CUX2: variants seen among roughly 807,000 people sequenced by gnomAD.
CUX2 encodes homeobox protein cut-like 2.
In CUX2, 40 loss-of-function variants were observed where a neutral mutation model predicts 144.8. The observed-to-expected ratio is 0.28, with a 90% CI of 0.21 to 0.36. The LOEUF is 0.36. CUX2 is among the 10% of genes least tolerant of loss of function. The pLI is 1.00. For synonymous variants in CUX2, 827 were observed against 875.6 expected, an observed-to-expected ratio of 0.94 and a Z score of 0.98; for missense variants, 1,615 against 1,994.0, an observed-to-expected ratio of 0.81 and a Z score of 3.62.
chr12:111,308,231 C>T (rs1886697196), intron 12 of CUX2, 54 bp from the exon 13 acceptor site: 1 of 1,607,154 alleles, frequency 6.2e-7, no homozygotes, highest in Non-Finnish European at 8.5e-7. Flanking sequence ...TGAAAGACCT[C>T]TCCTCCAGCC....
intron 1 of CUX2, among the ~76,000 whole-genome samples, chr12:111,106,953 G>A (rs181175556): frequency 6.6e-6 from 1 of 152,196 alleles, no homozygotes; most frequent in Admixed American, 6.5e-5. Flanking sequence ...AGTTGATAGG[G>A]TTGCTGGACA....
In CUX2 at chr12:111,296,468, C is replaced by T; in HGVS notation, c.638-5C>T. On this transcript the variant is annotated splice_region_variant and splice_polypyrimidine_tract_variant and intron_variant, in intron 7 of 21. Coordinates refer to ENST00000261726, the MANE Select transcript of CUX2 (RefSeq NM_015267.4). ...GGGCCTCACCCTGCCTCTGCTTTCTCCCAGCGCTAAAGGCTACGCAGGCAG... is the reference window on the plus strand; with the variant it reads ...GGGCCTCACCCTGCCTCTGCTTTCTTCCAGCGCTAAAGGCTACGCAGGCAG... 1 of 1,604,180 alleles carries T rather than the reference C, an allele frequency of 6.2e-7. No homozygotes were observed. The highest frequency in any genetic ancestry group is 8.5e-7 in the Non-Finnish European group (1 of 1,174,854).
At chr12:111,227,080 G>A (rs1169496568) in intron 3 of CUX2, among the ~76,000 whole-genome samples, 1 of 152,212 alleles carries the variant, frequency 6.6e-6, no homozygotes, top group Non-Finnish European at 1.5e-5. Flanking sequence ...CATAGGTCTT[G>A]TAGCCACTCT....
intron 3 of CUX2, among the ~76,000 whole-genome samples, chr12:111,234,668 C>T (rs1366980886): frequency 6.6e-6 from 1 of 151,402 alleles, no homozygotes; most frequent in African/African-American, 2.4e-5. Context: ...GGGTTCAAGA[C>T]CAGTTTGAAC....
At position 111,310,641 on chromosome 12, in the gene CUX2, A is replaced by G. The variant is rs1886850118; in HGVS notation, c.1859A>G (p.Gln620Arg). The change falls in exon 15 of 22, where the codon CAG becomes CGG. Residue 620 changes from glutamine to arginine, a missense_variant. Coordinates refer to ENST00000261726, the MANE Select transcript of CUX2 (RefSeq NM_015267.4). The surrounding 1 kb of genome is among the most constrained non-coding windows in gnomAD (Gnocchi z 7.9). The stretch of plus-strand genomic sequence containing the variant: ...ATGAAGCAGTTCCTGTCGGATGAGC[A>G]GAATGTACTGGCGCTCAGGACCATC... ...IKMKQFLSDEQNVLALRTIQV... is the reference protein window; with the variant it reads ...IKMKQFLSDERNVLALRTIQV... 6.2e-7 allele frequency: 1 copy of G among 1,607,214 alleles called. No homozygotes were observed. The highest frequency in any genetic ancestry group is 1.3e-5 in the African/African-American group (1 of 74,856).
intron 4 of CUX2, among the ~76,000 whole-genome samples, chr12:111,274,146 C>A (rs1338295930): frequency 6.6e-6 from 1 of 152,068 alleles, no homozygotes; most frequent in Admixed American, 6.6e-5. Flanking sequence ...GCCAGGCTGG[C>A]CTTGAACTGC....
chr12:111,131,993 T>C (rs1171513211), intron 1 of CUX2, among the ~76,000 whole-genome samples: 3 of 152,214 alleles, frequency 2.0e-5, no homozygotes, highest in Non-Finnish European at 4.4e-5. Context: ...AGGGACTCTG[T>C]TGGGGAGCTC....
rs560233282 is a variant in CUX2, at chr12:111,334,056, G to A, written c.2927-385G>A. On this transcript the variant is annotated intron_variant, in intron 18 of 21. Transcript: ENST00000261726. The stretch of plus-strand genomic sequence containing the variant: ...CAAAAAATTAGCAGGGCGTAGTGGC[G>A]CATGCCTGTAGTCCCAGCTACTTGG... Among the ~76,000 whole-genome samples, 3 of 149,724 alleles carry A rather than the reference G, an allele frequency of 2.0e-5. No individual in the cohort carries two copies. The East Asian group carries it at 6.1e-4, about 30-fold the overall frequency.
intron 1 of CUX2, among the ~76,000 whole-genome samples, chr12:111,121,562 A>G (rs972079010): frequency 2.0e-5 from 3 of 151,192 alleles, no homozygotes; most frequent in Non-Finnish European, 4.4e-5. Context: ...GGGTTTCATC[A>G]TGTTGGCCAG....
intron 19 of CUX2, among the ~76,000 whole-genome samples, 177 bp from the exon 20 acceptor site, chr12:111,338,109 C>T (rs1032462132): frequency 6.6e-6 from 1 of 152,092 alleles, no homozygotes; most frequent in African/African-American, 2.4e-5. Flanking sequence ...TACAGACAGA[C>T]CCCCCTCGGC....
intron 1 of CUX2, among the ~76,000 whole-genome samples, chr12:111,181,565 G>A (rs568560737): frequency 6.6e-6 from 1 of 152,310 alleles, no homozygotes; most frequent in African/African-American, 2.4e-5. Context: ...AAGGAATCGG[G>A]GCTTATCTTA....
In CUX2 at chr12:111,214,220, T is replaced by C; in HGVS notation, c.84T>C (p.Ala28=). The C allele has an allele frequency of 6.3e-7, 1 of 1,595,424 alleles. No homozygotes were observed. The highest frequency in any genetic ancestry group is 8.5e-7 in the Non-Finnish European group (1 of 1,171,796). ...RRLQKELNSV[A]SELSARQEES... ...TCCAGAAGGAGCTTAATTCCGTCGC[T>C]TCTGAGCTGTCTGCACGGCAGGAGG... The change falls in exon 2 of 22, where the codon GCT becomes GCC. Residue 28 remains alanine (A), a synonymous_variant. Coordinates refer to ENST00000261726, the MANE Select transcript of CUX2 (RefSeq NM_015267.4).
intron 1 of CUX2, among the ~76,000 whole-genome samples, chr12:111,150,932 A>G (rs1484001236): frequency 6.6e-6 from 1 of 152,212 alleles, no homozygotes; most frequent in Non-Finnish European, 1.5e-5. Context: ...ATTCCCAACA[A>G]TTCCAAAGGT....
chr12:111,308,568 G>A, intron 14 of CUX2, 42 bp downstream of exon 14: 1 of 1,536,612 alleles, frequency 6.5e-7, no homozygotes, highest in Non-Finnish European at 8.9e-7. Context: ...CTGGGGCGGG[G>A]GCTGCCTGTG....
At chr12:111,095,928 G>C (rs564728754) in intron 1 of CUX2, among the ~76,000 whole-genome samples, 7 of 152,304 alleles carry the variant, frequency 4.6e-5, no homozygotes, top group African/African-American at 1.7e-4. Context: ...CCCTGCACAT[G>C]GTGGTTGCTC....
Position 111,312,212 on chromosome 12 carries a change from C to T in CUX2, c.2002+11C>T. 6.3e-7 allele frequency: 1 copy of T among 1,595,240 alleles called. No individual in the cohort carries two copies. Among genetic ancestry groups the T allele is most frequent in the East Asian group, 2.3e-5 (1 of 43,846 alleles). On this transcript the variant is annotated intron_variant, in intron 16 of 21. Coordinates refer to ENST00000261726, the MANE Select transcript of CUX2 (RefSeq NM_015267.4). This position sits in a 1 kb window ranked among gnomAD's most constrained non-coding sequence, Gnocchi z 4.3. ...AGTCGCAGAAGGGCGGTGAGTGTGA[C>T]CCCTGCAGGCAAAGCCTGAGGCCCC...
chr12:111,196,253 C>T (rs893968678), intron 1 of CUX2, among the ~76,000 whole-genome samples: 2 of 152,176 alleles, frequency 1.3e-5, no homozygotes, highest in African/African-American at 2.4e-5. Context: ...ATCCGTTCAT[C>T]GGTTGATGGG....
At chr12:111,294,855 G>C (rs537239886) in intron 6 of CUX2, among the ~76,000 whole-genome samples, 1 of 151,852 alleles carries the variant, frequency 6.6e-6, no homozygotes, top group African/African-American at 2.4e-5. Flanking sequence ...CCGAGTTCGG[G>C]TCACTGCACT....
intron 1 of CUX2, among the ~76,000 whole-genome samples, chr12:111,132,869 G>A (rs1168509420): frequency 6.6e-6 from 1 of 152,046 alleles, no homozygotes; most frequent in Admixed American, 6.6e-5. Flanking sequence ...TGCCTGGCCT[G>A]TTTCCCTTTT....
Sources: gnomAD v4.1 joint callset for allele counts (sites outside exome capture counted in the v4.1 genomes callset) on GRCh38, gnomAD v4.1.1 for gene constraint, Gnocchi (gnomAD v3.1) non-coding constraint, MANE v1.5 for transcripts, NCBI Gene and HGNC (gene_info 2026-07-23, HGNC 2026-07-21) for gene names.